The following DNAI4 variants were observed in gnomAD, a reference collection of about 807,000 sequenced individuals.
DNAI4 encodes the protein WD repeat domain 78.
In DNAI4, 85 loss-of-function variants were observed where a neutral mutation model predicts 105.8. The observed-to-expected ratio is 0.80, with a 90% CI of 0.67 to 0.96. The LOEUF (loss-of-function observed/expected upper bound fraction) is 0.96. Ranked by LOEUF, DNAI4 falls within the 40% of genes least tolerant of loss-of-function variation. DNAI4 has a pLI of 0.00. For synonymous variants in DNAI4, 352 were observed against 331.5 expected, an observed-to-expected ratio of 1.06 and a Z score of -0.67; for missense variants, 1,014 against 1,005.6, an observed-to-expected ratio of 1.01 and a Z score of -0.11.
At chr1:66,836,158 A>AAGAAAGAAAG (rs1645985972) in intron 10 of DNAI4, among the ~76,000 whole-genome samples, 1 of 45,454 alleles carries the variant, frequency 2.2e-5, no homozygotes, top group Admixed American at 2.4e-4. Flanking sequence ...GAAAGAAAGA[A>AAGAAAGAAAG]AGAAAGAAAG....
rs147253554 is a variant in DNAI4, at chr1:66,847,504, C to T, written c.1271G>A (p.Arg424His). 6.6e-4 allele frequency: 1,068 copies of T among 1,612,960 alleles called. 5 individuals carry two copies. The African/African-American group carries it at 0.012, about 18-fold the overall frequency. ...AATACCTTTTAAAACAGGAAGCTGA[C>T]GATAAGCTGCAAGTTTGGGCTGAAA... ...NIFQPKLAAY[R>H]QLPVLKEPEP... The change falls in exon 8 of 17, where the codon CGT (arginine) becomes CAT (histidine). Residue 424 changes from arginine (R) to histidine (H), a missense_variant. Transcript: ENST00000371026.
At position 66,874,872 on chromosome 1, in the gene DNAI4, C is replaced by T; in HGVS notation, c.709G>A (p.Glu237Lys). The T allele has an allele frequency of 6.2e-7, 1 of 1,613,556 alleles. No homozygotes were observed. Among genetic ancestry groups the T allele is most frequent in the Non-Finnish European group, 8.5e-7 (1 of 1,179,688 alleles). ...VTKEDLEKNI[E>K]IILTETETLR... ...GTTTCTGTCTCTGTGAGTATTATCT[C>T]TATATTCTTCTCCAGGTCTTCTTTT... The change falls in exon 5 of 17, where the codon GAG becomes AAG. Residue 237 changes from glutamate (E) to lysine (K), a missense_variant. Glu to Lys is a moderately conservative substitution (Grantham distance 56, BLOSUM62 1). Coordinates refer to ENST00000371026, the MANE Select transcript of DNAI4 (RefSeq NM_024763.5).
At chr1:66,876,174 A>C (rs1214935965) in intron 4 of DNAI4, among the ~76,000 whole-genome samples, 5 of 152,140 alleles carry the variant, frequency 3.3e-5, no homozygotes, top group African/African-American at 1.2e-4. Flanking sequence ...AAAATGAGTA[A>C]AGAAGTAAAT....
At chr1:66,887,098 G>T (rs1056662873) in intron 4 of DNAI4, among the ~76,000 whole-genome samples, 1 of 151,934 alleles carries the variant, frequency 6.6e-6, no homozygotes, top group Non-Finnish European at 1.5e-5. Flanking sequence ...GAATCCACTG[G>T]ATTCCTAGAA....
intron 4 of DNAI4, 82 bp from the exon 5 acceptor site, chr1:66,875,019 T>C: frequency 8.1e-7 from 1 of 1,241,084 alleles, no homozygotes; most frequent in Non-Finnish European, 1.1e-6. Flanking sequence ...CAATATACCA[T>C]AATGGGTAAT....
At chr1:66,832,634 T>C (rs1173371692) in intron 13 of DNAI4, among the ~76,000 whole-genome samples, 1 of 152,154 alleles carries the variant, frequency 6.6e-6, no homozygotes, top group Non-Finnish European at 1.5e-5. Flanking sequence ...TCAATAATAA[T>C]TTAATTGTAC....
chr1:66,922,434 T>C (rs1195660804), intron 1 of DNAI4, among the ~76,000 whole-genome samples: 1 of 152,196 alleles, frequency 6.6e-6, no homozygotes, highest in Non-Finnish European at 1.5e-5. Flanking sequence ...TCTGATGTGT[T>C]GTGGGACAAC....
chr1:66,884,643 T>C (rs1647153959), intron 4 of DNAI4, among the ~76,000 whole-genome samples: 1 of 152,234 alleles, frequency 6.6e-6, no homozygotes, highest in Non-Finnish European at 1.5e-5. Context: ...TTGAGGATTT[T>C]TGCATCCATG....
chr1:66,847,585 G>T lies in DNAI4; in HGVS notation c.1190C>A (p.Ser397Tyr). Reference sequence around the variant, plus strand: ...AAATAAGTCCTGATGAAATTTGTCAGATTTTAATATTGCATCTGAGTGGTC... The same window carrying T: ...AAATAAGTCCTGATGAAATTTGTCATATTTTAATATTGCATCTGAGTGGTC... ...EEDHSDAILK[S>Y]DKFHQDLFFM... Residue 397 changes from serine to tyrosine, a missense_variant, in exon 8 of 17, where the codon TCT becomes TAT. Transcript: ENST00000371026. The T allele has an allele frequency of 6.2e-7, 1 of 1,613,930 alleles. No individual in the cohort carries two copies. Among genetic ancestry groups the T allele is most frequent in the African/African-American group, 1.3e-5 (1 of 75,012 alleles).
At chr1:66,913,329 C>G (rs879324916) in intron 1 of DNAI4, among the ~76,000 whole-genome samples, 2 of 152,166 alleles carry the variant, frequency 1.3e-5, no homozygotes, top group Non-Finnish European at 2.9e-5. Flanking sequence ...GATCCTAATT[C>G]TAGTTCAAAG....
At chr1:66,878,310 T>G (rs775511521) in intron 4 of DNAI4, among the ~76,000 whole-genome samples, 71 of 152,186 alleles carry the variant, frequency 4.7e-4, no homozygotes, top group Non-Finnish European at 5.6e-4. Flanking sequence ...GGCTGCTAGG[T>G]TCCTCTCAAA....
chr1:66,903,925 C>T (rs1649038851), intron 2 of DNAI4, among the ~76,000 whole-genome samples: 1 of 151,882 alleles, frequency 6.6e-6, no homozygotes, highest in African/African-American at 2.4e-5. Flanking sequence ...TTCAGTCTTT[C>T]ACCATTGGAG....
At chr1:66,881,202 T>C (rs1267267466) in intron 4 of DNAI4, among the ~76,000 whole-genome samples, 2 of 152,170 alleles carry the variant, frequency 1.3e-5, no homozygotes, top group Admixed American at 1.3e-4. Flanking sequence ...AGAAGGGAAA[T>C]GTGGGGTGGG....
Position 66,833,019 on chromosome 1 carries a change from A to G in DNAI4, c.2013+566T>C, listed in dbSNP as rs534658988. Among the ~76,000 whole-genome samples, 4 of 152,180 alleles carry G rather than the reference A, an allele frequency of 2.6e-5. No homozygotes were observed. The South Asian group carries it at 8.3e-4, about 32-fold the overall frequency. Reference sequence around the variant, plus strand: ...GTATGATAGAGCAGCAGAGTGGCCAAGGGGGGCAGGGAGAGGCACTTGAGT... The same window carrying G: ...GTATGATAGAGCAGCAGAGTGGCCAGGGGGGGCAGGGAGAGGCACTTGAGT... On this transcript the variant is annotated intron_variant, in intron 13 of 16. Transcript: ENST00000371026.
intron 6 of DNAI4, among the ~76,000 whole-genome samples, chr1:66,868,559 C>T (rs1024131449): frequency 5.9e-5 from 9 of 152,140 alleles, no homozygotes; most frequent in African/African-American, 2.2e-4. Flanking sequence ...CTGATTACTT[C>T]AGTAGGGGCA....
intron 12 of DNAI4, 64 bp from the exon 13 acceptor site, chr1:66,833,770 A>G: frequency 6.4e-7 from 1 of 1,561,808 alleles, no homozygotes; most frequent in South Asian, 1.2e-5. Context: ...CGCAAATATC[A>G]TGTGTGTTTC....
chr1:66,877,832 A>G (rs1224161624), intron 4 of DNAI4, among the ~76,000 whole-genome samples: 7 of 151,548 alleles, frequency 4.6e-5, no homozygotes, highest in Non-Finnish European at 8.8e-5. Context: ...ATGTCCTTCA[A>G]TTTGTGATTT....
intron 8 of DNAI4, 144 bp downstream of exon 8, chr1:66,847,340 C>T: frequency 1.5e-6 from 1 of 666,084 alleles, no homozygotes; most frequent in Non-Finnish European, 2.5e-6. Flanking sequence ...GTCACCCAGG[C>T]TGGAGTGCAG....
chr1:66,814,241 T>C (rs1645466647), intron 16 of DNAI4, 61 bp from the exon 17 acceptor site: 1 of 1,302,678 alleles, frequency 7.7e-7, no homozygotes, highest in East Asian at 2.3e-5. Flanking sequence ...GGTAAAGTAG[T>C]CTTTAAAATG....
Sources: gnomAD v4.1 joint callset for allele counts (sites outside exome capture counted in the v4.1 genomes callset) on GRCh38, gnomAD v4.1.1 for gene constraint, MANE v1.5 for transcripts, NCBI Gene and HGNC (gene_info 2026-07-23, HGNC 2026-07-21) for gene names.